The following NDRG3 variants were observed in gnomAD, a reference collection of about 807,000 sequenced individuals.
NDRG3 encodes the protein NDRG family member 3.
A neutral mutation model predicts 57.2 loss-of-function variants in NDRG3; 23 were observed. The observed-to-expected ratio is 0.40, with a 90% CI of 0.29 to 0.57. NDRG3 has a LOEUF of 0.57. Ranked by LOEUF, NDRG3 falls within the 20% of genes least tolerant of loss-of-function variation. NDRG3 has a pLI of 0.42. For missense variants in NDRG3, 384 were observed against 457.3 expected, an observed-to-expected ratio of 0.84 and a Z score of 1.46; for synonymous variants, 132 against 162.6, an observed-to-expected ratio of 0.81 and a Z score of 1.43.
At chr20:36,660,439 C>G (rs1001441318) in intron 12 of NDRG3, 55 bp from the exon 13 acceptor site, 7 of 1,308,430 alleles carry the variant, frequency 5.3e-6, no homozygotes, top group South Asian at 1.2e-5. Flanking sequence ...GGAAAAAAAA[C>G]GAAATAGCTC....
intron 1 of NDRG3, among the ~76,000 whole-genome samples, chr20:36,741,426 A>G (rs964873910): frequency 6.6e-6 from 1 of 152,250 alleles, no homozygotes; most frequent in African/African-American, 2.4e-5. Context: ...AGATTACTTT[A>G]GCAAGCTCTT....
rs1187353668 is a variant in NDRG3, at chr20:36,719,773, T to G, written c.57+1906A>C. ...TCACTCACACAAAGCTACAAGAGTA[T>G]TTCAAGAGGGGACAATGACAATACA... is the stretch of plus-strand genomic sequence containing the variant. On this transcript the variant is annotated intron_variant, in intron 2 of 15. Coordinates refer to ENST00000349004, the MANE Select transcript of NDRG3 (RefSeq NM_032013.4). Among the ~76,000 whole-genome samples the G allele has an allele frequency of 2.0e-5, 3 of 149,050 alleles. No individual in the cohort carries two copies. The East Asian group carries it at 6.1e-4, about 30-fold the overall frequency.
At chr20:36,654,969 AGAG>A (rs766258251) in intron 15 of NDRG3, 1 of 696,814 alleles carries the variant, frequency 1.4e-6, no homozygotes. Context: ...AAGGTCCCAG[AGAG>A]GAGGTGAGGC....
intron 2 of NDRG3, among the ~76,000 whole-genome samples, chr20:36,708,473 A>C (rs1012210182): frequency 6.6e-6 from 1 of 151,786 alleles, no homozygotes; most frequent in African/African-American, 2.4e-5. Flanking sequence ...AACATGGTGA[A>C]ACCTCATCTC....
chr20:36,656,667 C>A, intron 13 of NDRG3, 135 bp from the exon 14 acceptor site: 1 of 804,812 alleles, frequency 1.2e-6, no homozygotes, highest in Non-Finnish European at 2.1e-6. Flanking sequence ...CATCTCAATG[C>A]ACCTACGTAC....
At chr20:36,712,587 A>ATATATATATATATTT (rs57260715) in intron 2 of NDRG3, among the ~76,000 whole-genome samples, 1 of 5,912 alleles carries the variant, frequency 1.7e-4, no homozygotes, top group South Asian at 0.018. Flanking sequence ...ATATATATAT[A>ATATATATATATATTT]TTTTTTTTTT....
chr20:36,704,460 T>C (rs532065247), intron 3 of NDRG3, among the ~76,000 whole-genome samples: 1 of 152,202 alleles, frequency 6.6e-6, no homozygotes, highest in Non-Finnish European at 1.5e-5. Context: ...TATACATGTA[T>C]ACATATACTA....
chr20:36,736,027 A>G (rs570554970), intron 1 of NDRG3, among the ~76,000 whole-genome samples: 2 of 151,976 alleles, frequency 1.3e-5, no homozygotes, highest in South Asian at 4.2e-4. Context: ...AGAACAATAT[A>G]GCTGGGAAAG....
At chr20:36,715,203 A>T (rs974237549) in intron 2 of NDRG3, among the ~76,000 whole-genome samples, 4 of 151,188 alleles carry the variant, frequency 2.6e-5, no homozygotes, top group African/African-American at 9.7e-5. Context: ...TACAATTTCC[A>T]CTCTAAAAAT....
intron 1 of NDRG3, among the ~76,000 whole-genome samples, chr20:36,739,142 A>T (rs1985778258): frequency 2.3e-5 from 3 of 129,792 alleles, no homozygotes; most frequent in Non-Finnish European, 4.7e-5. Context: ...CTCAAAAAAA[A>T]AAAAAAAAAA....
intron 2 of NDRG3, among the ~76,000 whole-genome samples, chr20:36,711,552 C>A (rs770168974): frequency 2.6e-5 from 4 of 152,158 alleles, no homozygotes; most frequent in African/African-American, 4.8e-5. Context: ...TCCCTTCTTA[C>A]AATGATGTGA....
At chr20:36,676,011 C>G (rs1980662813) in intron 8 of NDRG3, among the ~76,000 whole-genome samples, 1 of 151,908 alleles carries the variant, frequency 6.6e-6, no homozygotes, top group Non-Finnish European at 1.5e-5. Flanking sequence ...GAGGCTGAGG[C>G]GGGCGGATCA....
rs202107061 is a variant in NDRG3, at chr20:36,700,892, GC to G, written c.93+6079del. Among the ~76,000 whole-genome samples the G allele has an allele frequency of 6.6e-3, 997 of 152,042 alleles. 9 individuals carry two copies. The highest frequency in any genetic ancestry group is 0.022 in the African/African-American group (906 of 41,456). On this transcript the variant is annotated intron_variant, in intron 3 of 15. Coordinates refer to ENST00000349004, the MANE Select transcript of NDRG3 (RefSeq NM_032013.4). ...GGGCTCAAATGATCCTCCTACCTCA[GC>G]CCCCCAAGTAGCTTGGAGCACACAT... is the stretch of plus-strand genomic sequence containing the variant.
chr20:36,720,763 T>TTTTTC (rs1984542823), intron 2 of NDRG3, among the ~76,000 whole-genome samples: 2 of 151,812 alleles, frequency 1.3e-5, no homozygotes, highest in South Asian at 4.2e-4. Context: ...TCATACTTCT[T>TTTTTC]TTTTCTTTTC....
At chr20:36,673,062 CTG>C (rs1980321378) in intron 8 of NDRG3, among the ~76,000 whole-genome samples, 1 of 152,064 alleles carries the variant, frequency 6.6e-6, no homozygotes, top group Non-Finnish European at 1.5e-5. Context: ...CGAGGTCTCA[CTG>C]TGTTGCCCAG....
chr20:36,654,685 C>A, intron 15 of NDRG3: 1 of 725,122 alleles, frequency 1.4e-6, no homozygotes, highest in East Asian at 2.6e-5. Context: ...TTGGGGCGTA[C>A]TGAGCCACGT....
chr20:36,660,455 G>A, intron 12 of NDRG3, 71 bp from the exon 13 acceptor site: 1 of 1,162,762 alleles, frequency 8.6e-7, no homozygotes, highest in Non-Finnish European at 1.3e-6. Flanking sequence ...AGCTCGGTAT[G>A]AGAATCATCT....
chr20:36,654,669 A>C, intron 15 of NDRG3: 1 of 675,254 alleles, frequency 1.5e-6, no homozygotes, highest in Non-Finnish European at 2.8e-6. Context: ...CTGTAGGCTA[A>C]ATCTCTTGGG....
intron 12 of NDRG3, among the ~76,000 whole-genome samples, chr20:36,663,091 C>T (rs989720828): frequency 1.3e-5 from 2 of 152,202 alleles, no homozygotes; most frequent in Admixed American, 6.5e-5. Flanking sequence ...CCAGAAAACA[C>T]TGACCTTTAT....
Sources: allele counts gnomAD v4.1 joint callset (sites outside exome capture counted in the v4.1 genomes callset), GRCh38; gene constraint gnomAD v4.1.1; transcripts MANE v1.5; gene names NCBI Gene and HGNC (gene_info 2026-07-23, HGNC 2026-07-21).